KLHL1: variants seen among roughly 807,000 people sequenced by gnomAD.
KLHL1 encodes kelch like family member 1, also known as kelch-like protein 1.
In KLHL1, 47 loss-of-function variants were observed where a neutral mutation model predicts 77.7. The observed-to-expected ratio is 0.60, with a 90% confidence interval of 0.48 to 0.77. KLHL1 has a LOEUF of 0.77. Among genes scored for constraint, KLHL1 ranks in the 30% least tolerant of loss-of-function variants. The probability of loss-of-function intolerance (pLI) is 0.00; values close to 1 mark genes in which losing one functional copy is unlikely to be tolerated. For synonymous variants in KLHL1, 360 were observed against 325.2 expected (o/e 1.11, Z -1.15); for missense variants, 925 against 910.8 (o/e 1.02, Z -0.20).
chr13:70,097,934 ATT>A (rs1220978963), intron 1 of KLHL1, among the ~76,000 whole-genome samples: 2 of 150,666 alleles, frequency 1.3e-5, no homozygotes, highest in Admixed American at 1.3e-4. Flanking sequence ...TGTGAAAAAT[ATT>A]GTCAGATTAT....
intron 1 of KLHL1, among the ~76,000 whole-genome samples, chr13:70,049,864 C>A (rs1020151715): frequency 1.5e-4 from 23 of 151,978 alleles, no homozygotes; most frequent in African/African-American, 5.3e-4. Flanking sequence ...AGATTTACTT[C>A]TACTCTTCTG....
intron 1 of KLHL1, among the ~76,000 whole-genome samples, chr13:70,026,703 GGTGTGTGTGTGTGTGTGT>G (rs3072710): frequency 2.3e-5 from 2 of 85,256 alleles, no homozygotes; most frequent in Non-Finnish European, 6.0e-5. Context: ...AAGAACTTAG[GGTGTGTGTGTGTGTGTGT>G]GTGTGTGTGT....
At chr13:70,099,466 G>A (rs1324780114) in intron 1 of KLHL1, among the ~76,000 whole-genome samples, 2 of 151,858 alleles carry the variant, frequency 1.3e-5, no homozygotes, top group African/African-American at 4.8e-5. Flanking sequence ...TCAAGAAGAA[G>A]GCAACAAGAC....
At chr13:70,008,675 C>T (rs1166274029) in intron 1 of KLHL1, among the ~76,000 whole-genome samples, 1 of 152,070 alleles carries the variant, frequency 6.6e-6, no homozygotes, top group African/African-American at 2.4e-5. Context: ...CCTCTTTTCT[C>T]TCACTCAAAT....
intron 7 of KLHL1, among the ~76,000 whole-genome samples, chr13:69,764,623 T>C (rs1049670881): frequency 2.0e-5 from 3 of 152,148 alleles, no homozygotes; most frequent in African/African-American, 7.2e-5. Flanking sequence ...TTGAAGCCAA[T>C]GTAAGCCTTT....
At chr13:69,882,158 A>C (rs1881024225) in intron 5 of KLHL1, 125 bp downstream of exon 5, 1 of 682,430 alleles carries the variant, frequency 1.5e-6, no homozygotes, top group Non-Finnish European at 2.6e-6. Flanking sequence ...TTTAACTTAA[A>C]AGTAGTATTT....
intron 1 of KLHL1, among the ~76,000 whole-genome samples, chr13:69,980,110 A>G (rs1292155417): frequency 1.3e-5 from 2 of 152,204 alleles, no homozygotes; most frequent in Non-Finnish European, 2.9e-5. Context: ...CGTGCTAAAC[A>G]GTTCAGGACT....
intron 1 of KLHL1, among the ~76,000 whole-genome samples, chr13:70,094,941 A>T (rs755172441): frequency 6.6e-5 from 10 of 152,158 alleles, no homozygotes; most frequent in Non-Finnish European, 1.5e-4. Context: ...AGCCAGTAGA[A>T]TAAATACCAA....
intron 6 of KLHL1, among the ~76,000 whole-genome samples, chr13:69,831,363 C>T (rs1446112908): frequency 1.3e-5 from 2 of 149,780 alleles, no homozygotes; most frequent in African/African-American, 2.5e-5. Flanking sequence ...TGGATAAATT[C>T]CTGGAAATAT....
chr13:70,010,152 T>C (rs1289333536), intron 1 of KLHL1, among the ~76,000 whole-genome samples: 1 of 151,366 alleles, frequency 6.6e-6, no homozygotes, highest in Non-Finnish European at 1.5e-5. Flanking sequence ...GGCAGGAAAC[T>C]TTTTTCTGTA....
chr13:69,737,716 G>A (rs932977806), intron 8 of KLHL1, among the ~76,000 whole-genome samples: 37 of 152,176 alleles, frequency 2.4e-4, no homozygotes, highest in African/African-American at 7.7e-4. Context: ...CCCAGCCAGG[G>A]ATTTATGAAG....
At chr13:69,764,955 TTTTTTTTTTTTTTTG>T (rs1875215901) in intron 7 of KLHL1, among the ~76,000 whole-genome samples, 2 of 93,448 alleles carry the variant, frequency 2.1e-5, no homozygotes, top group South Asian at 3.9e-4. Context: ...TTTTTTTTTT[TTTTTTTTTTTTTTTG>T]AGACCAAGTC....
intron 1 of KLHL1, among the ~76,000 whole-genome samples, chr13:70,081,518 G>C (rs1887389727): frequency 6.6e-6 from 1 of 152,200 alleles, no homozygotes; most frequent in Non-Finnish European, 1.5e-5. Flanking sequence ...TTGTCAGCCA[G>C]AGGCTGCTCT....
intron 1 of KLHL1, among the ~76,000 whole-genome samples, chr13:70,037,718 T>C (rs757152995): frequency 6.6e-5 from 10 of 152,110 alleles, no homozygotes; most frequent in Non-Finnish European, 1.3e-4. Flanking sequence ...TTCCATGAAG[T>C]AGATTCATAA....
intron 1 of KLHL1, among the ~76,000 whole-genome samples, chr13:70,022,546 G>GA (rs1186190274): frequency 2.0e-5 from 3 of 151,398 alleles, no homozygotes; most frequent in African/African-American, 7.3e-5. Flanking sequence ...GGAATATTAT[G>GA]AAAAAATATA....
chr13:69,891,891 T>A (rs1881434824), intron 4 of KLHL1, among the ~76,000 whole-genome samples: 2 of 152,054 alleles, frequency 1.3e-5, no homozygotes, highest in African/African-American at 4.8e-5. Context: ...AGAAATAATT[T>A]ATAAATTTTA....
At chr13:69,917,935 CAT>C (rs1882501889) in intron 4 of KLHL1, among the ~76,000 whole-genome samples, 1 of 152,022 alleles carries the variant, frequency 6.6e-6, no homozygotes, top group Admixed American at 6.6e-5. Context: ...TTACTGTCTA[CAT>C]ATGTCTACAT....
At chr13:69,725,642 G>A (rs1275642753) in intron 8 of KLHL1, among the ~76,000 whole-genome samples, 2 of 150,420 alleles carry the variant, frequency 1.3e-5, no homozygotes, top group African/African-American at 2.4e-5. Context: ...TACCAGCTAT[G>A]TGTTATAATA....
At chr13:69,771,700 G>A (rs1875575247) in intron 7 of KLHL1, among the ~76,000 whole-genome samples, 1 of 152,064 alleles carries the variant, frequency 6.6e-6, no homozygotes, top group African/African-American at 2.4e-5. Context: ...TGGGTGCATA[G>A]TTTTTAGATT....
Sources: allele counts gnomAD v4.1 joint callset (sites outside exome capture counted in the v4.1 genomes callset), GRCh38; gene constraint gnomAD v4.1.1; transcripts MANE v1.5; gene names NCBI Gene and HGNC (gene_info 2026-07-23, HGNC 2026-07-21).